Variants in ANXA10 observed in about 807,000 individuals in gnomAD.
The protein encoded by ANXA10 is annexin 14.
A neutral mutation model predicts 53.5 loss-of-function variants in ANXA10; 49 were observed. That is an observed-to-expected ratio of 0.92 (90% confidence interval 0.73 to 1.16). The LOEUF (loss-of-function observed/expected upper bound fraction) is 1.16. ANXA10 is among the 50% of genes most tolerant of loss of function. The pLI, the probability that ANXA10 is intolerant of heterozygous loss-of-function variation, is 0.00. For synonymous variants in ANXA10, 131 were observed against 128.9 expected (o/e 1.02, Z -0.11); for missense variants, 393 against 394.4 (o/e 1.00, Z 0.03).
At position 168,136,233 on chromosome 4, in the gene ANXA10, C is replaced by A. The variant is rs375896949; in HGVS notation, c.101-3253C>A. Among the ~76,000 whole-genome samples the A allele has an allele frequency of 3.8e-4, 58 of 152,246 alleles. 2 individuals carry two copies. The South Asian group carries it at 0.011, about 30-fold the overall frequency. ...CACAAATCCAAACCATATGATTCTG[C>A]CCCTGTCCCCCCACAAATCTCATGT... On this transcript the variant is annotated intron_variant, in intron 2 of 11. Transcript: ENST00000359299.
intron 3 of ANXA10, among the ~76,000 whole-genome samples, chr4:168,153,308 TC>T (rs1210535240): frequency 6.6e-6 from 1 of 151,320 alleles, no homozygotes; most frequent in Non-Finnish European, 1.5e-5. Flanking sequence ...AGTCATGGGT[TC>T]TTAGTTTCTG....
chr4:168,115,720 G>A lies in ANXA10; in HGVS notation c.19-12364G>A, dbSNP rs531355122. On this transcript the variant is annotated intron_variant, in intron 1 of 11. Coordinates refer to ENST00000359299, the MANE Select transcript of ANXA10 (RefSeq NM_007193.5). ...AGCTATAATGGAAAGGGCACTAACC[G>A]TGAAGTTAAATTTGGATTTGAATGT... 8.5e-5 allele frequency among the ~76,000 whole-genome samples: 13 copies of A among 152,100 alleles called. No individual in the cohort carries two copies. The South Asian group carries it at 1.2e-3, about 15-fold the overall frequency.
At chr4:168,133,046 C>T (rs537384230) in intron 2 of ANXA10, among the ~76,000 whole-genome samples, 11 of 152,166 alleles carry the variant, frequency 7.2e-5, no homozygotes, top group Middle Eastern at 6.8e-3. Flanking sequence ...TGACCTCTGC[C>T]GTCTTCTTTT....
At chr4:168,098,692 C>A (rs1252504031) in intron 1 of ANXA10, among the ~76,000 whole-genome samples, 1 of 151,888 alleles carries the variant, frequency 6.6e-6, no homozygotes, top group African/African-American at 2.4e-5. Context: ...TTTTCCTTGC[C>A]AGCATCACAG....
At chr4:168,139,713 G>C (rs1731297138) in intron 3 of ANXA10, 133 bp downstream of exon 3, 1 of 547,940 alleles carries the variant, frequency 1.8e-6, no homozygotes, top group Non-Finnish European at 3.2e-6. Flanking sequence ...GTCAGATACA[G>C]TTCATATTCC....
At chr4:168,134,122 TA>T (rs1207519182) in intron 2 of ANXA10, among the ~76,000 whole-genome samples, 1 of 152,056 alleles carries the variant, frequency 6.6e-6, no homozygotes, top group African/African-American at 2.4e-5. Context: ...AATTATGTGT[TA>T]GGAAATAAAA....
chr4:168,122,835 C>G (rs1443312663), intron 1 of ANXA10, among the ~76,000 whole-genome samples: 1 of 152,110 alleles, frequency 6.6e-6, no homozygotes, highest in Non-Finnish European at 1.5e-5. Context: ...CATTAGGCCC[C>G]ACCTCCAACA....
intron 3 of ANXA10, among the ~76,000 whole-genome samples, chr4:168,153,430 A>AC (rs1285596597): frequency 3.3e-5 from 2 of 61,106 alleles, no homozygotes; most frequent in Non-Finnish European, 8.0e-5. Context: ...AGCAAAAAAA[A>AC]AAAAAAAAAA....
At chr4:168,128,871 T>C (rs1183511198) in intron 2 of ANXA10, among the ~76,000 whole-genome samples, 1 of 151,926 alleles carries the variant, frequency 6.6e-6, no homozygotes, top group Non-Finnish European at 1.5e-5. Context: ...TGATTCATAA[T>C]GAATGATACT....
At chr4:168,179,454 C>A in intron 9 of ANXA10, 142 bp downstream of exon 9, 1 of 598,102 alleles carries the variant, frequency 1.7e-6, no homozygotes, top group Non-Finnish European at 2.9e-6. Context: ...AGGACATTAA[C>A]TCCATAGGGG....
At chr4:168,183,964 T>C (rs1301744441) in intron 10 of ANXA10, among the ~76,000 whole-genome samples, 1 of 152,262 alleles carries the variant, frequency 6.6e-6, no homozygotes, top group Non-Finnish European at 1.5e-5. Flanking sequence ...GCAGTATTTC[T>C]GGGGCTAGCA....
chr4:168,175,287 T>G (rs542558508), intron 6 of ANXA10, among the ~76,000 whole-genome samples: 1 of 152,214 alleles, frequency 6.6e-6, no homozygotes. Flanking sequence ...AAATGTATGT[T>G]ATTAAATAAA....
chr4:168,094,949 A>G (rs1281106329), intron 1 of ANXA10, among the ~76,000 whole-genome samples: 2 of 152,084 alleles, frequency 1.3e-5, no homozygotes, highest in African/African-American at 2.4e-5. Flanking sequence ...TGACTGTAAG[A>G]CCATCTTTCA....
intron 1 of ANXA10, among the ~76,000 whole-genome samples, chr4:168,107,516 A>G (rs554239938): frequency 6.6e-6 from 1 of 152,336 alleles, no homozygotes; most frequent in Non-Finnish European, 1.5e-5. Flanking sequence ...TCATTCTTAA[A>G]TTGTTCATTT....
At chr4:168,111,433 GT>G (rs1730805068) in intron 1 of ANXA10, among the ~76,000 whole-genome samples, 1 of 152,108 alleles carries the variant, frequency 6.6e-6, no homozygotes, top group Admixed American at 6.5e-5. Context: ...TTTTCAAAAT[GT>G]GAGAATAATA....
chr4:168,181,405 A>AAAAAAGAAGAT (rs1478569301), intron 9 of ANXA10, among the ~76,000 whole-genome samples: 1 of 151,854 alleles, frequency 6.6e-6, no homozygotes, highest in Non-Finnish European at 1.5e-5. Context: ...AAAAAAAAAA[A>AAAAAAGAAGAT]AAGAAGATGA....
intron 3 of ANXA10, among the ~76,000 whole-genome samples, chr4:168,152,585 A>T (rs1578918483): frequency 6.6e-6 from 1 of 152,088 alleles, no homozygotes; most frequent in Non-Finnish European, 1.5e-5. Flanking sequence ...TGAGCAGAGG[A>T]GTAACTAATT....
intron 1 of ANXA10, among the ~76,000 whole-genome samples, chr4:168,107,382 GA>G (rs1730735914): frequency 6.6e-6 from 1 of 152,104 alleles, no homozygotes; most frequent in African/African-American, 2.4e-5. Context: ...AAAGTGATGA[GA>G]AATTGTTGTA....
intron 6 of ANXA10, among the ~76,000 whole-genome samples, chr4:168,172,407 G>T (rs539391565): frequency 1.3e-5 from 2 of 152,322 alleles, no homozygotes; most frequent in East Asian, 3.9e-4. Context: ...ACTTTGCAAA[G>T]GCAGGAGCTT....
Sources: gnomAD v4.1 joint callset for allele counts (sites outside exome capture counted in the v4.1 genomes callset) on GRCh38, gnomAD v4.1.1 for gene constraint, MANE v1.5 for transcripts, NCBI Gene and HGNC (gene_info 2026-07-23, HGNC 2026-07-21) for gene names.